The following PDE1C variants were observed in gnomAD, a reference collection of about 807,000 sequenced individuals.
The protein encoded by PDE1C is dual specificity calcium/calmodulin-dependent 3',5'-cyclic nucleotide phosphodiesterase 1C.
A neutral mutation model predicts 93.1 loss-of-function variants in PDE1C; 62 were observed. The observed-to-expected ratio is 0.67, with a 90% CI of 0.54 to 0.82. The LOEUF is 0.82. Ranked by LOEUF, PDE1C falls within the 40% of genes least tolerant of loss-of-function variation. PDE1C has a pLI of 0.00. For synonymous variants in PDE1C, 325 were observed against 310.1 expected (o/e 1.05, Z -0.50); for missense variants, 742 against 884.6 (o/e 0.84, Z 2.04).
intron 1 of PDE1C, among the ~76,000 whole-genome samples, chr7:32,375,531 CAAT>C: frequency 6.6e-6 from 1 of 152,342 alleles, no homozygotes; most frequent in East Asian, 1.9e-4. Flanking sequence ...TCAACAACAA[CAAT>C]ACCTTCTGGG....
chr7:32,011,038 T>C (rs1024425860), intron 2 of PDE1C, among the ~76,000 whole-genome samples: 3 of 152,138 alleles, frequency 2.0e-5, no homozygotes. Context: ...AGCTGGACTT[T>C]ATTAAAATTA....
intron 2 of PDE1C, among the ~76,000 whole-genome samples, chr7:31,900,191 TATA>T (rs552764364): frequency 3.2e-4 from 49 of 152,332 alleles, no homozygotes; most frequent in South Asian, 6.2e-4. Flanking sequence ...TCTCTACTTA[TATA>T]ATAATTGTTT....
At chr7:32,049,795 T>C (rs778551459) in intron 2 of PDE1C, among the ~76,000 whole-genome samples, 3 of 152,072 alleles carry the variant, frequency 2.0e-5, no homozygotes, top group Non-Finnish European at 4.4e-5. Context: ...CTTCAAATGC[T>C]TGGTCAGCAA....
intron 2 of PDE1C, among the ~76,000 whole-genome samples, chr7:31,998,604 G>T (rs1198140424): frequency 6.6e-6 from 1 of 152,120 alleles, no homozygotes; most frequent in Non-Finnish European, 1.5e-5. Flanking sequence ...CAGGTATATG[G>T]TCTATAACAC....
At chr7:31,717,572 A>G in the PDE1C span, among the ~76,000 whole-genome samples, 1 of 152,206 alleles carries the variant, frequency 6.6e-6, no homozygotes, top group African/African-American at 2.4e-5. Flanking sequence ...TGGGGCCCCA[A>G]GTTGGAAGCT....
chr7:31,818,286 C>T (rs1311366960), intron 14 of PDE1C, among the ~76,000 whole-genome samples: 2 of 152,144 alleles, frequency 1.3e-5, no homozygotes. Context: ...AAAGAATGCT[C>T]TTGCAGAAGA....
At chr7:32,084,078 C>T (rs1796893037) in intron 3 of PDE1C, among the ~76,000 whole-genome samples, 1 of 152,064 alleles carries the variant, frequency 6.6e-6, no homozygotes, top group African/African-American at 2.4e-5. Flanking sequence ...AGAGTCATGA[C>T]CCATCAGTGT....
chr7:31,624,401 A>C, the PDE1C span, among the ~76,000 whole-genome samples: 304 of 142,202 alleles, frequency 2.1e-3, 1 homozygote, highest in African/African-American at 7.6e-3. Context: ...CCAAAACAGC[A>C]TGGTACTGGT....
intron 2 of PDE1C, among the ~76,000 whole-genome samples, chr7:31,991,284 T>A (rs1261497984): frequency 6.6e-6 from 1 of 152,154 alleles, no homozygotes; most frequent in Admixed American, 6.5e-5. Flanking sequence ...AATGGTCAAA[T>A]TCAGAGCTCT....
the PDE1C span, among the ~76,000 whole-genome samples, chr7:31,735,505 G>T: frequency 4.6e-5 from 7 of 152,082 alleles, no homozygotes; most frequent in African/African-American, 1.7e-4. Context: ...CATACAGAAG[G>T]CATCTATCCG....
At chr7:31,858,179 G>C (rs1455345141) in intron 7 of PDE1C, among the ~76,000 whole-genome samples, 1 of 152,124 alleles carries the variant, frequency 6.6e-6, no homozygotes, top group Non-Finnish European at 1.5e-5. Context: ...ATAACAGAGA[G>C]TGTTTGGCTT....
Position 32,151,580 on chromosome 7 carries a change from A to G in PDE1C, c.308+18205T>C, listed in dbSNP as rs559369792. ...CAGCAACAAAAAGAAATGATCATAC[A>G]TGCAACAACATAGATGGCTTTTTAA... is the stretch of plus-strand genomic sequence containing the variant. On this transcript the variant is annotated intron_variant, in intron 3 of 18. Coordinates refer to the PDE1C transcript ENST00000396193. 3.9e-5 allele frequency among the ~76,000 whole-genome samples: 6 copies of G among 152,382 alleles called. No individual in the cohort carries two copies. The East Asian group carries it at 9.6e-4, about 24-fold the overall frequency.
At chr7:31,778,216 C>G (rs957246794) in intron 16 of PDE1C, among the ~76,000 whole-genome samples, 1 of 152,134 alleles carries the variant, frequency 6.6e-6, no homozygotes, top group Non-Finnish European at 1.5e-5. Context: ...AGTGGATGCC[C>G]GTCGCATTGT....
chr7:32,237,787 T>G (rs2128867278), intron 1 of PDE1C, among the ~76,000 whole-genome samples: 1 of 67,898 alleles, frequency 1.5e-5, no homozygotes, highest in East Asian at 4.5e-4. Flanking sequence ...TTTTTTTTTT[T>G]TAGACAGAGT....
chr7:32,365,096 C>T (rs2128086208), intron 1 of PDE1C, among the ~76,000 whole-genome samples: 1 of 152,108 alleles, frequency 6.6e-6, no homozygotes, highest in South Asian at 2.1e-4. Context: ...AGTGAAAAGC[C>T]CCTGGTAGAA....
intron 3 of PDE1C, among the ~76,000 whole-genome samples, chr7:32,087,745 A>G (rs10231418): frequency 0.62 from 91,705 of 148,780 alleles, 28,337 homozygotes; most frequent in African/African-American, 0.7. Flanking sequence ...GTAAACTATC[A>G]CAAGGACAGA....
At chr7:32,119,020 G>C (rs143367112) in intron 3 of PDE1C, among the ~76,000 whole-genome samples, 135 of 152,258 alleles carry the variant, frequency 8.9e-4, no homozygotes, top group African/African-American at 3.0e-3. Context: ...CCAAGGCATG[G>C]GGACAGGGAA....
chr7:31,656,646 A>G, the PDE1C span: 2 of 255,174 alleles, frequency 7.8e-6, no homozygotes, highest in Non-Finnish European at 1.2e-5. Flanking sequence ...TGACTATGGT[A>G]GAAGCACGGT....
At chr7:31,659,620 T>C in the PDE1C span, among the ~76,000 whole-genome samples, 1 of 152,218 alleles carries the variant, frequency 6.6e-6, no homozygotes, top group Non-Finnish European at 1.5e-5. Context: ...TTAATCTGAA[T>C]AAATGTAGAG....
Sources: allele counts gnomAD v4.1 joint callset (sites outside exome capture counted in the v4.1 genomes callset), GRCh38; gene constraint gnomAD v4.1.1; transcripts MANE v1.5; gene names NCBI Gene and HGNC (gene_info 2026-07-23, HGNC 2026-07-21).